Variants in SAMSN1 observed in about 807,000 individuals in gnomAD.
SAMSN1 encodes SAM domain-containing protein SAMSN-1.
SAMSN1 carries 31 observed loss-of-function variants against 42.0 expected under a neutral mutation model. The ratio of observed to expected loss-of-function variants is 0.74; its 90% CI spans 0.55 to 1.00. SAMSN1 has a LOEUF of 1.00. Among genes scored for constraint, SAMSN1 ranks in the 50% least tolerant of loss-of-function variants. The probability of loss-of-function intolerance (pLI) is 0.00; values close to 1 mark genes in which losing one functional copy is unlikely to be tolerated. For missense variants in SAMSN1, 464 were observed against 439.4 expected (o/e 1.06, Z -0.50); for synonymous variants, 178 against 151.9 (o/e 1.17, Z -1.26).
At chr21:14,543,657 T>C (rs1418214487) in intron 1 of SAMSN1, among the ~76,000 whole-genome samples, 1 of 152,166 alleles carries the variant, frequency 6.6e-6, no homozygotes, top group African/African-American at 2.4e-5. Context: ...ATTTGAATTG[T>C]CCAATAGGTC....
intron 2 of SAMSN1, among the ~76,000 whole-genome samples, chr21:14,572,035 C>T (rs1413885247): frequency 6.9e-6 from 1 of 145,980 alleles, no homozygotes; most frequent in Non-Finnish European, 1.5e-5. Flanking sequence ...TGGTGACATC[C>T]TAATGCAAGA....
At chr21:14,575,756 G>A (rs1981438997) in intron 2 of SAMSN1, among the ~76,000 whole-genome samples, 2 of 152,152 alleles carry the variant, frequency 1.3e-5, no homozygotes, top group Non-Finnish European at 2.9e-5. Flanking sequence ...TTTGGCAGGA[G>A]CCTGACATCA....
chr21:14,581,344 C>CTCTTTTTT (rs1981714975), intron 2 of SAMSN1, among the ~76,000 whole-genome samples: 2 of 32,588 alleles, frequency 6.1e-5, no homozygotes, highest in Non-Finnish European at 1.1e-4. Flanking sequence ...AATAATATTT[C>CTCTTTTTT]TTTTTTTTTT....
intron 2 of SAMSN1, among the ~76,000 whole-genome samples, chr21:14,519,008 C>A (rs1052261898): frequency 2.0e-5 from 3 of 152,080 alleles, no homozygotes; most frequent in African/African-American, 7.2e-5. Context: ...GTTTTTCTAG[C>A]GTTATTTACA....
upstream of SAMSN1, among the ~76,000 whole-genome samples, chr21:14,587,634 TA>T (rs1240220173): frequency 1.3e-5 from 2 of 152,174 alleles, no homozygotes; most frequent in Non-Finnish European, 2.9e-5. Flanking sequence ...ATATCACTTA[TA>T]TGCTAATGAC....
chr21:14,604,218 A>G lies in SAMSN1; in HGVS notation c.323-2119T>C, dbSNP rs547903606. Reference sequence around the variant, plus strand: ...TAGCAGCAAAGGCAGGAGTTGAATTAGACAATATGCAGGCTATATTTTCCA... The same window carrying G: ...TAGCAGCAAAGGCAGGAGTTGAATTGGACAATATGCAGGCTATATTTTCCA... On this transcript the variant is annotated intron_variant, in intron 5 of 15. Coordinates refer to the SAMSN1 transcript ENST00000647101. Among the ~76,000 whole-genome samples, 4 of 152,368 alleles carry G rather than the reference A, an allele frequency of 2.6e-5. No individual in the cohort carries two copies. The East Asian group carries it at 5.8e-4, about 22-fold the overall frequency.
At chr21:14,656,428 A>C (rs1395345325) in intron 1 of SAMSN1, among the ~76,000 whole-genome samples, 1 of 151,854 alleles carries the variant, frequency 6.6e-6, no homozygotes, top group Non-Finnish European at 1.5e-5. Context: ...TTATTGAAGA[A>C]ATTGTGCAGG....
intron 1 of SAMSN1, among the ~76,000 whole-genome samples, chr21:14,646,574 G>T (rs1198247782): frequency 6.6e-6 from 1 of 151,952 alleles, no homozygotes; most frequent in African/African-American, 2.4e-5. Context: ...ATCACCTGAA[G>T]GTACAAAACT....
chr21:14,512,319 C>T, intron 4 of SAMSN1, 125 bp downstream of exon 4: 2 of 943,224 alleles, frequency 2.1e-6, no homozygotes, highest in Non-Finnish European at 3.3e-6. Flanking sequence ...TTTAATATAT[C>T]TTACATTTTT....
chr21:14,624,448 A>G (rs1292594), intron 2 of SAMSN1, among the ~76,000 whole-genome samples: 24,175 of 152,158 alleles, frequency 0.16, 2,342 homozygotes, highest in African/African-American at 0.28. Context: ...AGGGGATATC[A>G]TCACCAATCC....
At chr21:14,535,823 G>A (rs1979574924) in intron 1 of SAMSN1, among the ~76,000 whole-genome samples, 1 of 152,162 alleles carries the variant, frequency 6.6e-6, no homozygotes, top group Non-Finnish European at 1.5e-5. Flanking sequence ...CACCCTGCCA[G>A]CACCTTGATC....
chr21:14,610,613 C>G (rs941164271), intron 4 of SAMSN1, among the ~76,000 whole-genome samples: 6 of 152,194 alleles, frequency 3.9e-5, no homozygotes, highest in Admixed American at 1.3e-4. Context: ...ATCACAAAAC[C>G]TGCTGACGTG....
intron 1 of SAMSN1, among the ~76,000 whole-genome samples, chr21:14,544,188 C>T (rs560121691): frequency 1.0e-3 from 157 of 152,264 alleles, no homozygotes; most frequent in African/African-American, 3.7e-3. Flanking sequence ...ATAGCTGGTA[C>T]TACATGCACG....
chr21:14,594,864 T>G (rs1982209186), intron 6 of SAMSN1: 1 of 152,164 alleles, frequency 6.6e-6, no homozygotes, highest in Admixed American at 6.6e-5. Flanking sequence ...TACCTAAGAC[T>G]GGGTAATTTA....
chr21:14,536,043 C>T (rs748981317), intron 1 of SAMSN1, among the ~76,000 whole-genome samples: 4 of 152,200 alleles, frequency 2.6e-5, no homozygotes, highest in Non-Finnish European at 5.9e-5. Context: ...AAATCTTCTG[C>T]TATTAGTAAT....
chr21:14,584,997 C>T (rs549599229), upstream of SAMSN1, among the ~76,000 whole-genome samples: 6 of 150,006 alleles, frequency 4.0e-5, 1 homozygote, highest in Middle Eastern at 0.01. Context: ...ATAGCACTTA[C>T]GTAGGAAATG....
chr21:14,600,623 ACTTT>A (rs1267712535), intron 6 of SAMSN1, among the ~76,000 whole-genome samples: 1 of 152,178 alleles, frequency 6.6e-6, no homozygotes, highest in African/African-American at 2.4e-5. Flanking sequence ...TTTCTATGTT[ACTTT>A]CTTCTTTCCA....
At chr21:14,626,448 C>A (rs140675079) in intron 2 of SAMSN1, among the ~76,000 whole-genome samples, 3,974 of 152,254 alleles carry the variant, frequency 0.026, 79 homozygotes, top group Non-Finnish European at 0.038. Flanking sequence ...AAACAAACAA[C>A]CCCATCAAAA....
chr21:14,630,975 C>G (rs1301332508), intron 2 of SAMSN1, among the ~76,000 whole-genome samples: 5 of 152,180 alleles, frequency 3.3e-5, no homozygotes, highest in African/African-American at 1.2e-4. Context: ...TTTGACTTCT[C>G]CATTACTCAC....
Sources: gnomAD v4.1 joint callset for allele counts (sites outside exome capture counted in the v4.1 genomes callset) on GRCh38, gnomAD v4.1.1 for gene constraint, MANE v1.5 for transcripts, NCBI Gene and HGNC (gene_info 2026-07-23, HGNC 2026-07-21) for gene names.